DLG2: variants seen among roughly 807,000 people sequenced by gnomAD.
DLG2 encodes the protein disks large homolog 2.
DLG2 carries 45 observed loss-of-function variants against 132.5 expected under a neutral mutation model. That is an observed-to-expected ratio of 0.34 (90% CI 0.27 to 0.44). DLG2 has a LOEUF of 0.44. DLG2 is among the 20% of genes least tolerant of loss of function. DLG2 has a pLI of 1.00. For missense variants in DLG2, 1,045 were observed against 1,196.9 expected (o/e 0.87, Z 1.87); for synonymous variants, 424 against 419.6 (o/e 1.01, Z -0.13).
At chr11:84,711,881 G>T (rs2060492320) in intron 6 of DLG2, among the ~76,000 whole-genome samples, 1 of 151,904 alleles carries the variant, frequency 6.6e-6, no homozygotes, top group Non-Finnish European at 1.5e-5. Flanking sequence ...CCACATCAAG[G>T]TACCACATTA....
At chr11:84,630,822 C>T (rs76686908) in intron 6 of DLG2, among the ~76,000 whole-genome samples, 5,137 of 152,168 alleles carry the variant, frequency 0.034, 101 homozygotes, top group Middle Eastern at 0.061. Flanking sequence ...AGCAGTCAGC[C>T]TCACTGTTCA....
At chr11:84,873,489 T>G (rs193062337) in intron 6 of DLG2, among the ~76,000 whole-genome samples, 190 of 152,342 alleles carry the variant, frequency 1.2e-3, no homozygotes, top group Admixed American at 2.2e-3. Context: ...TTCATTACAT[T>G]AGCACTAATA....
chr11:84,022,857 A>G (rs2095434394), intron 11 of DLG2, among the ~76,000 whole-genome samples: 2 of 152,176 alleles, frequency 1.3e-5, no homozygotes, highest in South Asian at 4.1e-4. Flanking sequence ...TGTTAATGGA[A>G]TTCCTCAAGG....
At chr11:83,652,974 T>C (rs1297773669) in intron 18 of DLG2, among the ~76,000 whole-genome samples, 3 of 152,244 alleles carry the variant, frequency 2.0e-5, no homozygotes, top group South Asian at 2.1e-4. Context: ...TATTCCACTG[T>C]ACATATGTGA....
At chr11:83,900,213 A>G (rs2073032029) in intron 15 of DLG2, among the ~76,000 whole-genome samples, 1 of 152,186 alleles carries the variant, frequency 6.6e-6, no homozygotes, top group African/African-American at 2.4e-5. Flanking sequence ...CAGTTTTATA[A>G]GGGAAGCAGA....
chr11:84,488,227 A>T (rs2099155747), intron 7 of DLG2, among the ~76,000 whole-genome samples: 1 of 152,120 alleles, frequency 6.6e-6, no homozygotes, highest in African/African-American at 2.4e-5. Context: ...TCAGAGAAAA[A>T]AGAGTTGTAT....
chr11:84,179,221 T>C (rs2096056483), intron 8 of DLG2, among the ~76,000 whole-genome samples: 1 of 152,186 alleles, frequency 6.6e-6, no homozygotes. Flanking sequence ...ATAAATTTGC[T>C]AGAGTTTGGG....
chr11:85,211,214 A>G (rs1471651183), intron 4 of DLG2, among the ~76,000 whole-genome samples: 1 of 152,170 alleles, frequency 6.6e-6, no homozygotes, highest in Non-Finnish European at 1.5e-5. Flanking sequence ...TTTGTGAAAG[A>G]AAATAATGAG....
intron 6 of DLG2, among the ~76,000 whole-genome samples, chr11:85,019,585 C>T (rs578008342): frequency 2.0e-5 from 3 of 152,066 alleles, no homozygotes; most frequent in East Asian, 3.9e-4. Flanking sequence ...TCGTCATTTA[C>T]ATTAGGTATT....
intron 4 of DLG2, among the ~76,000 whole-genome samples, chr11:85,235,419 G>A (rs144453009): frequency 4.3e-4 from 66 of 151,838 alleles, no homozygotes; most frequent in African/African-American, 1.5e-3. Flanking sequence ...AGCTATTCAC[G>A]CATTTCCTCA....
intron 4 of DLG2, among the ~76,000 whole-genome samples, chr11:85,187,203 G>C (rs1347358292): frequency 6.6e-6 from 1 of 152,002 alleles, no homozygotes; most frequent in Non-Finnish European, 1.5e-5. Context: ...ACCGGCAATT[G>C]CTAAGACTTT....
chr11:84,738,609 A>G (rs76495445), intron 6 of DLG2, among the ~76,000 whole-genome samples: 3,624 of 152,256 alleles, frequency 0.024, 148 homozygotes, highest in African/African-American at 0.084. Flanking sequence ...AATGGCTAAA[A>G]CTTGGGAGTT....
chr11:85,215,129 T>C (rs1040535117), intron 4 of DLG2, among the ~76,000 whole-genome samples: 1 of 152,156 alleles, frequency 6.6e-6, no homozygotes, highest in African/African-American at 2.4e-5. Flanking sequence ...AAATCAAACA[T>C]GATTTTCTAC....
chr11:84,834,941 T>G (rs4944497), intron 6 of DLG2, among the ~76,000 whole-genome samples: 32,721 of 151,396 alleles, frequency 0.22, 3,873 homozygotes, highest in Non-Finnish European at 0.24. Flanking sequence ...TGACATCAAT[T>G]AAGTTTGGAA....
intron 4 of DLG2, among the ~76,000 whole-genome samples, chr11:85,205,162 A>G (rs1012150904): frequency 6.8e-6 from 1 of 147,364 alleles, no homozygotes; most frequent in Admixed American, 6.8e-5. Flanking sequence ...ATATATATAT[A>G]TAGATATATA....
chr11:85,205,399 G>A (rs375885482), intron 4 of DLG2, among the ~76,000 whole-genome samples: 1 of 152,000 alleles, frequency 6.6e-6, no homozygotes, highest in Non-Finnish European at 1.5e-5. Context: ...TAAGGGAAAG[G>A]AGGTTGAAGA....
chr11:83,980,432 T>A (rs2092683738), intron 12 of DLG2, 74 bp downstream of exon 12: 1 of 1,458,748 alleles, frequency 6.9e-7, no homozygotes, highest in South Asian at 1.6e-5. Flanking sequence ...CAGCCTGAAC[T>A]GACAAAGACA....
intron 18 of DLG2, among the ~76,000 whole-genome samples, chr11:83,636,271 C>T: frequency 6.6e-6 from 1 of 152,154 alleles, no homozygotes; most frequent in East Asian, 1.9e-4. Flanking sequence ...AGACTGAGCC[C>T]TCTGAGGGCA....
In DLG2 at chr11:85,500,297, A is replaced by G. The variant is rs182371482; in HGVS notation, c.40+98360T>C. ...TCAGTAAACTATCGCAAGAACAAAA[A>G]ACCAAACACCGCATATTCTCACTCA... On this transcript the variant is annotated intron_variant, in intron 3 of 27. Coordinates refer to ENST00000376104, the MANE Select transcript of DLG2 (RefSeq NM_001142699.3). Among the ~76,000 whole-genome samples the G allele has an allele frequency of 4.1e-3, 616 of 148,964 alleles. 1 individual carries two copies. The highest frequency in any genetic ancestry group is 5.2e-3 in the Non-Finnish European group (352 of 67,654).
Sources: allele counts gnomAD v4.1 joint callset (sites outside exome capture counted in the v4.1 genomes callset), GRCh38; gene constraint gnomAD v4.1.1; transcripts MANE v1.5; gene names NCBI Gene and HGNC (gene_info 2026-07-23, HGNC 2026-07-21).